The following NEBL variants were observed in gnomAD, a reference collection of about 807,000 sequenced individuals.
NEBL encodes nebulette, also known as LIM and SH3 protein 2.
Under a neutral mutation model 140.2 loss-of-function variants are expected in NEBL, and 122 were observed. The observed-to-expected ratio is 0.87, with a 90% CI of 0.75 to 1.01. The LOEUF is 1.01. Ranked by LOEUF, NEBL falls within the 50% of genes least tolerant of loss-of-function variation. The pLI, the probability that NEBL is intolerant of heterozygous loss-of-function variation, is 0.00. For missense variants in NEBL, 1,365 were observed against 1,231.3 expected (o/e 1.11, Z -1.62); for synonymous variants, 436 against 398.9 (o/e 1.09, Z -1.11).
chr10:20,791,573 T>TC (rs1324942926), intron 26 of NEBL, among the ~76,000 whole-genome samples: 1 of 151,872 alleles, frequency 6.6e-6, no homozygotes, highest in Admixed American at 6.6e-5. Flanking sequence ...TTTTTTTTTT[T>TC]CCCTACAGAC....
chr10:20,937,635 G>A (rs1324285773), intron 4 of NEBL, among the ~76,000 whole-genome samples: 2 of 152,158 alleles, frequency 1.3e-5, no homozygotes, highest in South Asian at 2.1e-4. Context: ...CTGAAGCAGG[G>A]TGAGGCATCG....
intron 2 of NEBL, among the ~76,000 whole-genome samples, chr10:21,038,132 A>G (rs1342371048): frequency 6.6e-6 from 1 of 152,192 alleles, no homozygotes; most frequent in Non-Finnish European, 1.5e-5. Context: ...CTACCTAACT[A>G]TGAGGGGAAA....
chr10:21,211,512 G>C (rs1841914986), intron 3 of NEBL, among the ~76,000 whole-genome samples: 1 of 151,894 alleles, frequency 6.6e-6, no homozygotes, highest in African/African-American at 2.4e-5. Context: ...AAAACCCTAA[G>C]GTTTTTTTTC....
rs187765402 is a variant in NEBL at position 20,991,399 on chromosome 10, C to G, written c.249+28718G>C. On this transcript the variant is annotated intron_variant, in intron 3 of 6. Transcript: ENST00000417816. ...TTGTGAAATTGACAATCAATTTAGT[C>G]ACATTTATTATCATAAATTTTGAAC... Among the ~76,000 whole-genome samples, 988 of 152,086 alleles carry G rather than the reference C, an allele frequency of 6.5e-3. 5 individuals carry two copies. The highest frequency in any genetic ancestry group is 0.01 in the Non-Finnish European group (710 of 68,004).
At chr10:21,021,082 T>C (rs1259447856) in intron 2 of NEBL, among the ~76,000 whole-genome samples, 1 of 152,170 alleles carries the variant, frequency 6.6e-6, no homozygotes, top group Non-Finnish European at 1.5e-5. Context: ...ATTATATTAG[T>C]GCCCCGTAGC....
At chr10:20,925,661 T>A (rs368319806) in intron 4 of NEBL, among the ~76,000 whole-genome samples, 3 of 151,940 alleles carry the variant, frequency 2.0e-5, no homozygotes, top group African/African-American at 7.3e-5. Flanking sequence ...TTTAGAAAGA[T>A]GTTTGTTAAC....
chr10:21,240,619 A>G (rs1842426183), intron 3 of NEBL, among the ~76,000 whole-genome samples: 2 of 152,198 alleles, frequency 1.3e-5, no homozygotes, highest in Non-Finnish European at 2.9e-5. Flanking sequence ...ACATTGTCAC[A>G]CACAAAAAAA....
rs1837216945 is a variant in NEBL at position 21,096,948 on chromosome 10, A to T, written c.164+75435T>A. ...CCCACAAATTCCTCTACCCTTCTCTATTACAAAAAGGCTCAATCAAAAATC... is the reference window on the plus strand; with the variant it reads ...CCCACAAATTCCTCTACCCTTCTCTTTTACAAAAAGGCTCAATCAAAAATC... On this transcript the variant is annotated intron_variant, in intron 2 of 6. Transcript: ENST00000417816. Among the ~76,000 whole-genome samples, 4 of 151,920 alleles carry T rather than the reference A, an allele frequency of 2.6e-5. No individual in the cohort carries two copies. The South Asian group carries it at 8.3e-4, about 32-fold the overall frequency.
chr10:21,170,480 C>T (rs1416707657), intron 2 of NEBL: 2 of 152,254 alleles, frequency 1.3e-5, no homozygotes, highest in East Asian at 3.9e-4. Flanking sequence ...CCTTTCCCTT[C>T]TCCTTACGCC....
chr10:21,174,901 G>A (rs753546696), upstream of NEBL: 1 of 152,230 alleles, frequency 6.6e-6, no homozygotes, highest in African/African-American at 2.4e-5. Flanking sequence ...ATTAATAAAT[G>A]AATATGGCTC....
chr10:21,079,989 G>A (rs1353912432), intron 2 of NEBL, among the ~76,000 whole-genome samples: 3 of 152,176 alleles, frequency 2.0e-5, no homozygotes, highest in Non-Finnish European at 4.4e-5. Context: ...TAAGTCTTAC[G>A]CTATTGCTTT....
intron 2 of NEBL, among the ~76,000 whole-genome samples, chr10:21,136,473 C>T (rs1161649666): frequency 1.3e-5 from 2 of 152,152 alleles, no homozygotes; most frequent in East Asian, 3.9e-4. Flanking sequence ...AGATAACAGG[C>T]ATGGGCCACC....
rs1320565335 is a variant in NEBL, at chr10:20,808,422, T to C, written c.2761+88A>G. On this transcript the variant is annotated intron_variant, in intron 26 of 27. Coordinates refer to ENST00000377122, the MANE Select transcript of NEBL (RefSeq NM_006393.3). ...CAAATACAGCCAGGATAGATGTTCATGCAAAAGTGAAAAGAATTTTAAAGA... is the reference window on the plus strand; with the variant it reads ...CAAATACAGCCAGGATAGATGTTCACGCAAAAGTGAAAAGAATTTTAAAGA... 3 of 1,356,720 alleles carry C rather than the reference T, an allele frequency of 2.2e-6. No homozygotes were observed. In the East Asian group the frequency reaches 6.9e-5, roughly 31 times the overall value. 84.0% of individuals were successfully genotyped at this position (1,356,720 alleles called of 1,614,324 possible).
At chr10:21,217,163 A>G (rs1359539315) in intron 3 of NEBL, among the ~76,000 whole-genome samples, 1 of 152,190 alleles carries the variant, frequency 6.6e-6, no homozygotes, top group African/African-American at 2.4e-5. Context: ...CAGCACCCAG[A>G]GAAGCTGGCA....
chr10:20,786,902 T>G (rs112166149), intron 27 of NEBL, among the ~76,000 whole-genome samples: 3 of 152,174 alleles, frequency 2.0e-5, no homozygotes, highest in African/African-American at 7.2e-5. Flanking sequence ...TCCTAAGGCA[T>G]GAGTAAAGAG....
intron 22 of NEBL, among the ~76,000 whole-genome samples, chr10:20,815,278 T>A (rs528551900): frequency 6.6e-6 from 1 of 152,214 alleles, no homozygotes; most frequent in East Asian, 1.9e-4. Flanking sequence ...CCATGTTCAA[T>A]GAAATATTTC....
chr10:20,867,809 C>A (rs951741044), intron 7 of NEBL: 1 of 152,036 alleles, frequency 6.6e-6, no homozygotes, highest in Non-Finnish European at 1.5e-5. Context: ...TGAATCGACA[C>A]TTTTATCATA....
chr10:21,268,325 G>A (rs1050808417), intron 1 of NEBL, among the ~76,000 whole-genome samples: 5 of 151,804 alleles, frequency 3.3e-5, no homozygotes, highest in Non-Finnish European at 5.9e-5. Flanking sequence ...ATTTTAAAAA[G>A]TTAGCCTAGC....
intron 4 of NEBL, among the ~76,000 whole-genome samples, chr10:20,883,516 G>A (rs987760885): frequency 7.9e-5 from 12 of 152,122 alleles, no homozygotes; most frequent in African/African-American, 2.9e-4. Context: ...ATTACATTCC[G>A]TGTTTTAACT....
Sources: gnomAD v4.1 joint callset for allele counts (sites outside exome capture counted in the v4.1 genomes callset) on GRCh38, gnomAD v4.1.1 for gene constraint, MANE v1.5 for transcripts, NCBI Gene and HGNC (gene_info 2026-07-23, HGNC 2026-07-21) for gene names.